Variants in STXBP4 observed in about 807,000 individuals in gnomAD.
STXBP4 encodes syntaxin-binding protein 4.
A neutral mutation model predicts 76.1 loss-of-function variants in STXBP4; 55 were observed. The observed-to-expected ratio is 0.72, with a 90% CI of 0.58 to 0.91. The LOEUF (loss-of-function observed/expected upper bound fraction) is 0.91. STXBP4 is among the 40% of genes least tolerant of loss of function. The pLI, the probability that STXBP4 is intolerant of heterozygous loss-of-function variation, is 0.00. For synonymous variants in STXBP4, 201 were observed against 220.2 expected (o/e 0.91, Z 0.77); for missense variants, 618 against 636.9 (o/e 0.97, Z 0.32).
Position 55,064,978 on chromosome 17 carries a change from G to A in STXBP4, c.1012-7922G>A, listed in dbSNP as rs948603548. ...TTGTTAGATATATGGTATGAGATGA[G>A]GGTCTACACTTTACACTGTTTTTCC... is the stretch of plus-strand genomic sequence containing the variant. On this transcript the variant is annotated intron_variant, in intron 12 of 17. Coordinates refer to ENST00000376352, the MANE Select transcript of STXBP4 (RefSeq NM_178509.6). Among the ~76,000 whole-genome samples the A allele has an allele frequency of 4.6e-5, 7 of 152,040 alleles. No homozygotes were observed. In the East Asian group the frequency reaches 1.4e-3, roughly 29 times the overall value.
intron 1 of STXBP4, among the ~76,000 whole-genome samples, chr17:54,972,096 A>G (rs940653040): frequency 3.3e-5 from 5 of 152,182 alleles, no homozygotes; most frequent in Non-Finnish European, 7.3e-5. Flanking sequence ...CATGATCTCA[A>G]TTTATTCCGT....
intron 16 of STXBP4, among the ~76,000 whole-genome samples, chr17:55,119,916 G>A (rs1385817211): frequency 6.6e-6 from 1 of 151,952 alleles, no homozygotes; most frequent in Non-Finnish European, 1.5e-5. Flanking sequence ...TGCATATTGT[G>A]TTTCTATAGC....
chr17:55,196,527 A>G, the STXBP4 span, among the ~76,000 whole-genome samples: 2 of 152,092 alleles, frequency 1.3e-5, no homozygotes, highest in Non-Finnish European at 2.9e-5. Context: ...GTATTCCCTT[A>G]CTCACCATAG....
At chr17:55,007,433 GA>G in intron 7 of STXBP4, 72 bp from the exon 8 acceptor site, 1 of 1,050,452 alleles carries the variant, frequency 9.5e-7, no homozygotes, top group Non-Finnish European at 1.5e-6. Context: ...CAGGAACTCA[GA>G]ACATATCCTG....
At chr17:55,043,579 TTTC>T (rs1372253856) in intron 11 of STXBP4, 7 of 1,534,744 alleles carry the variant, frequency 4.6e-6, no homozygotes, top group Non-Finnish European at 6.2e-6. Context: ...TCTGTTGAGG[TTTC>T]TTCTTATCCT....
At chr17:54,984,177 C>G (rs568684829) in intron 1 of STXBP4, among the ~76,000 whole-genome samples, 3 of 152,114 alleles carry the variant, frequency 2.0e-5, no homozygotes, top group Admixed American at 1.3e-4. Flanking sequence ...GGGGCCCATT[C>G]AGTTAATTTA....
the STXBP4 span, among the ~76,000 whole-genome samples, chr17:55,180,955 A>T: frequency 6.6e-6 from 1 of 152,220 alleles, no homozygotes; most frequent in East Asian, 1.9e-4. Flanking sequence ...ATGTCAACTG[A>T]CACAAAACAA....
At chr17:55,126,967 T>C (rs1013636379) in intron 16 of STXBP4, among the ~76,000 whole-genome samples, 1 of 152,206 alleles carries the variant, frequency 6.6e-6, no homozygotes, top group Admixed American at 6.5e-5. Flanking sequence ...CACATACTAC[T>C]GGTTCAGGAT....
At chr17:55,052,964 TA>T (rs2078879702) in intron 12 of STXBP4, among the ~76,000 whole-genome samples, 1 of 137,974 alleles carries the variant, frequency 7.2e-6, no homozygotes, top group East Asian at 2.1e-4. Flanking sequence ...TTGTATTCTT[TA>T]GAAATGTCAA....
chr17:55,147,776 T>A (rs1180412510), intron 17 of STXBP4, among the ~76,000 whole-genome samples: 2 of 152,244 alleles, frequency 1.3e-5, no homozygotes, highest in African/African-American at 4.8e-5. Flanking sequence ...TTTTAACTCA[T>A]GCCATCTCTG....
intron 8 of STXBP4, among the ~76,000 whole-genome samples, chr17:55,023,934 A>G (rs1032489600): frequency 1.0e-4 from 15 of 150,008 alleles, no homozygotes; most frequent in East Asian, 1.9e-4. Context: ...AAAAAAAAAA[A>G]AAAAAAGAAA....
chr17:55,003,943 G>A (rs1354855627), intron 7 of STXBP4, among the ~76,000 whole-genome samples: 5 of 151,974 alleles, frequency 3.3e-5, no homozygotes, highest in East Asian at 1.9e-4. Flanking sequence ...AGGCTGAGAC[G>A]GGCAGATCAC....
downstream of STXBP4, among the ~76,000 whole-genome samples, chr17:55,178,294 G>A (rs1704251644): frequency 6.6e-6 from 1 of 152,184 alleles, no homozygotes. Context: ...TCTTCAGCGT[G>A]GGCATTATTG....
At chr17:55,151,680 G>A (rs550014111) in intron 17 of STXBP4, among the ~76,000 whole-genome samples, 1 of 152,134 alleles carries the variant, frequency 6.6e-6, no homozygotes, top group Non-Finnish European at 1.5e-5. Flanking sequence ...GGGACCGAAG[G>A]GAAGCGTGAG....
chr17:55,032,279 GA>G (rs749817299), intron 9 of STXBP4, among the ~76,000 whole-genome samples: 88 of 151,802 alleles, frequency 5.8e-4, no homozygotes, highest in Admixed American at 2.2e-3. Context: ...TTTAAGTGAT[GA>G]AAAAAAGATA....
At chr17:55,033,638 C>T (rs983881809) in intron 9 of STXBP4, among the ~76,000 whole-genome samples, 10 of 152,276 alleles carry the variant, frequency 6.6e-5, no homozygotes, top group South Asian at 4.1e-4. Context: ...CTCTTTGCCA[C>T]GTGGCCTTGG....
chr17:55,118,807 T>C (rs1194995862), intron 16 of STXBP4, among the ~76,000 whole-genome samples: 1 of 151,760 alleles, frequency 6.6e-6, no homozygotes, highest in Non-Finnish European at 1.5e-5. Flanking sequence ...TTTAAATACA[T>C]GTGCTTTTCA....
chr17:54,997,773 A>G (rs1216993537), intron 4 of STXBP4, among the ~76,000 whole-genome samples: 2 of 142,506 alleles, frequency 1.4e-5, no homozygotes, highest in Non-Finnish European at 3.0e-5. Flanking sequence ...TTTTTTTGAA[A>G]GATGGGGTCT....
chr17:55,073,218 G>A (rs1277785468), intron 13 of STXBP4, 142 bp downstream of exon 13: 2 of 771,414 alleles, frequency 2.6e-6, no homozygotes, highest in Non-Finnish European at 2.1e-6. Flanking sequence ...GCTGTGTCCT[G>A]ATGGGGATAA....
Sources: allele counts gnomAD v4.1 joint callset (sites outside exome capture counted in the v4.1 genomes callset), GRCh38; gene constraint gnomAD v4.1.1; transcripts MANE v1.5; gene names NCBI Gene and HGNC (gene_info 2026-07-23, HGNC 2026-07-21).